MLLT3: variants seen among roughly 807,000 people sequenced by gnomAD.
MLLT3 encodes the protein protein AF-9.
MLLT3 carries 4 observed loss-of-function variants against 53.2 expected under a neutral mutation model. That is an observed-to-expected ratio of 0.08 (90% CI 0.04 to 0.17). MLLT3 has a LOEUF of 0.17. Among genes scored for constraint, MLLT3 ranks in the 10% least tolerant of loss-of-function variants. The pLI is 1.00. For missense variants in MLLT3, 569 were observed against 684.0 expected (o/e 0.83, Z 1.87); for synonymous variants, 283 against 230.6 (o/e 1.23, Z -2.06).
intron 2 of MLLT3, among the ~76,000 whole-genome samples, chr9:20,462,666 A>G (rs1329877901): frequency 6.6e-6 from 1 of 152,122 alleles, no homozygotes; most frequent in African/African-American, 2.4e-5. Flanking sequence ...TTCTCATTGC[A>G]TCATATTAGC....
intron 2 of MLLT3, among the ~76,000 whole-genome samples, chr9:20,494,964 G>C (rs1825047074): frequency 6.6e-6 from 1 of 151,996 alleles, no homozygotes; most frequent in Non-Finnish European, 1.5e-5. Flanking sequence ...ATTTGCATCT[G>C]GATGAGAGGT....
At chr9:20,355,665 T>C (rs1253321434) in intron 8 of MLLT3, among the ~76,000 whole-genome samples, 6 of 152,234 alleles carry the variant, frequency 3.9e-5, no homozygotes, top group Non-Finnish European at 7.3e-5. Context: ...TTGAAAAAGC[T>C]TGAAACCACT....
intron 1 of MLLT3, 119 bp downstream of exon 1, chr9:20,622,126 C>T (rs960003366): frequency 1.3e-5 from 16 of 1,192,094 alleles, no homozygotes; most frequent in South Asian, 2.9e-5. Flanking sequence ...TCCCTGCAAG[C>T]CGTACCAACC....
At chr9:20,507,293 G>A (rs958379888) in intron 2 of MLLT3, among the ~76,000 whole-genome samples, 4 of 152,134 alleles carry the variant, frequency 2.6e-5, no homozygotes, top group Non-Finnish European at 4.4e-5. Flanking sequence ...AGCATCTTTC[G>A]GCAATCTACT....
chr9:20,586,910 G>C (rs764732692), intron 2 of MLLT3, among the ~76,000 whole-genome samples: 6 of 151,678 alleles, frequency 4.0e-5, no homozygotes, highest in Non-Finnish European at 8.8e-5. Context: ...CCTTTATTTT[G>C]TTTTTTTTAA....
chr9:20,505,469 T>A (rs1825359460), intron 2 of MLLT3, among the ~76,000 whole-genome samples: 1 of 151,994 alleles, frequency 6.6e-6, no homozygotes, highest in South Asian at 2.1e-4. Context: ...AAAAACAAAG[T>A]CATAAAAATG....
intron 4 of MLLT3, among the ~76,000 whole-genome samples, chr9:20,435,173 G>A (rs1046014563): frequency 7.9e-5 from 12 of 152,028 alleles, no homozygotes; most frequent in African/African-American, 2.7e-4. Flanking sequence ...ACATGAGGGC[G>A]GCCTGGACTG....
At chr9:20,368,897 T>G (rs1360598631) in intron 5 of MLLT3, among the ~76,000 whole-genome samples, 2 of 152,222 alleles carry the variant, frequency 1.3e-5, no homozygotes, top group Non-Finnish European at 2.9e-5. Flanking sequence ...GGCAATGTCC[T>G]GAAAGCTTTT....
intron 2 of MLLT3, among the ~76,000 whole-genome samples, chr9:20,458,230 G>C (rs1022215430): frequency 1.3e-5 from 2 of 152,162 alleles, no homozygotes; most frequent in Non-Finnish European, 2.9e-5. Flanking sequence ...CCTTGACACT[G>C]AACAGAGTTC....
intron 2 of MLLT3, among the ~76,000 whole-genome samples, chr9:20,609,580 T>C (rs1214280170): frequency 1.3e-5 from 2 of 152,044 alleles, no homozygotes; most frequent in Non-Finnish European, 2.9e-5. Context: ...AACCCAACGA[T>C]CTAATGGCAT....
At chr9:20,456,539 C>T (rs1431608785) in intron 3 of MLLT3, among the ~76,000 whole-genome samples, 165 bp downstream of exon 3, 2 of 152,090 alleles carry the variant, frequency 1.3e-5, no homozygotes, top group African/African-American at 2.4e-5. Context: ...TAGCCACTTC[C>T]TTGATAATTA....
rs949267798 is a variant in MLLT3 at position 20,345,346 on chromosome 9, T to C, written c.*1097A>G. 1.9e-5 allele frequency: 4 copies of C among 211,226 alleles called. No homozygotes were observed. Among genetic ancestry groups the C allele is most frequent in the Admixed American group, 5.9e-5 (1 of 16,964 alleles). 13.1% of individuals were successfully genotyped at this position (211,226 alleles called of 1,614,324 possible). ...TAAAAGTGTCTAAGAGAATCATATG[T>C]GAACAAACAAAAATCTCTGATTCCA... On this transcript the variant is annotated 3_prime_UTR_variant, in exon 11 of 11. Transcript: ENST00000380338.
At chr9:20,432,052 A>AT (rs1357920028) in intron 4 of MLLT3, among the ~76,000 whole-genome samples, 1 of 152,198 alleles carries the variant, frequency 6.6e-6, no homozygotes, top group Non-Finnish European at 1.5e-5. Context: ...GTGGTTTGTA[A>AT]TATAACATTT....
At chr9:20,381,011 A>G (rs183029884) in intron 5 of MLLT3, among the ~76,000 whole-genome samples, 18 of 152,102 alleles carry the variant, frequency 1.2e-4, no homozygotes, top group Admixed American at 7.9e-4. Flanking sequence ...TTAAAGAAAC[A>G]CTAAGGCTCC....
At position 20,475,884 on chromosome 9, in the gene MLLT3, G is replaced by A. The variant is rs536889043; in HGVS notation, c.194-19098C>T. Among the ~76,000 whole-genome samples the A allele has an allele frequency of 3.3e-5, 5 of 152,182 alleles. No homozygotes were observed. The East Asian group carries it at 7.7e-4, about 24-fold the overall frequency. The stretch of plus-strand genomic sequence containing the variant: ...TATCAGTAAAGCTATTGGTCAGTGT[G>A]TTATTTCAGTTAGCAACAAAATTGT... On this transcript the variant is annotated intron_variant, in intron 2 of 10. Coordinates refer to ENST00000380338, the MANE Select transcript of MLLT3 (RefSeq NM_004529.4).
intron 2 of MLLT3, among the ~76,000 whole-genome samples, chr9:20,589,321 A>T (rs1820063137): frequency 6.6e-6 from 1 of 151,684 alleles, no homozygotes; most frequent in Non-Finnish European, 1.5e-5. Flanking sequence ...ATTCTCAGTA[A>T]ACTATCGCAA....
Position 20,621,752 on chromosome 9 carries a change from C to A in MLLT3, c.12+493G>T, listed in dbSNP as rs1016318699. The A allele has an allele frequency of 4.4e-5, 65 of 1,489,222 alleles. No individual in the cohort carries two copies. The African/African-American group carries it at 8.6e-4, about 20-fold the overall frequency. 92.3% of individuals were successfully genotyped at this position (1,489,222 alleles called of 1,614,324 possible). A position where few individuals can be genotyped will look rare whatever the true frequency, so the allele number is the denominator to read the frequency against. Reference sequence around the variant, plus strand: ...AGCCCCGCACACTTCGGCTCACACACGCGCGCCGCGGAGAACGCACCATCG... The same window carrying A: ...AGCCCCGCACACTTCGGCTCACACAAGCGCGCCGCGGAGAACGCACCATCG... On this transcript the variant is annotated intron_variant, in intron 1 of 10. Transcript: ENST00000380338. The surrounding 1 kb of genome is among the most constrained non-coding windows in gnomAD (Gnocchi z 7.0).
intron 5 of MLLT3, among the ~76,000 whole-genome samples, chr9:20,400,426 T>G (rs1322516805): frequency 1.3e-5 from 2 of 152,158 alleles, no homozygotes; most frequent in Non-Finnish European, 2.9e-5. Context: ...CATTGGAAAT[T>G]TGTCCAGTGG....
intron 2 of MLLT3, among the ~76,000 whole-genome samples, chr9:20,474,160 C>T (rs1043349177): frequency 6.6e-6 from 1 of 152,084 alleles, no homozygotes. Context: ...GCCCTCGACA[C>T]CATTTCTATA....
Sources: gnomAD v4.1 joint callset for allele counts (sites outside exome capture counted in the v4.1 genomes callset) on GRCh38, gnomAD v4.1.1 for gene constraint, Gnocchi (gnomAD v3.1) non-coding constraint, MANE v1.5 for transcripts, NCBI Gene and HGNC (gene_info 2026-07-23, HGNC 2026-07-21) for gene names.